Variants in COPB2 observed in about 807,000 individuals in gnomAD.
COPB2 encodes coatomer subunit beta'.
In COPB2, 16 loss-of-function variants were observed where a neutral mutation model predicts 120.8. That is an observed-to-expected ratio of 0.13 (90% confidence interval 0.09 to 0.20). COPB2 has a LOEUF of 0.20. Ranked by LOEUF, COPB2 falls within the 10% of genes least tolerant of loss-of-function variation. COPB2 has a pLI of 1.00. For missense variants in COPB2, 794 were observed against 1,076.5 expected (o/e 0.74, Z 3.67); for synonymous variants, 332 against 366.3 (o/e 0.91, Z 1.07).
chr3:139,381,765 G>A (rs1253925718), intron 2 of COPB2: 1 of 152,140 alleles, frequency 6.6e-6, no homozygotes, highest in African/African-American at 2.4e-5. Context: ...AACATACGAT[G>A]ATCAAGTGAT....
At chr3:139,358,574 G>T (rs1422084982) in intron 20 of COPB2, 170 bp downstream of exon 20, 1 of 615,740 alleles carries the variant, frequency 1.6e-6, no homozygotes, top group East Asian at 2.8e-5. Context: ...CCAGCTACTC[G>T]GGAGGCTGAG....
intron 5 of COPB2, among the ~76,000 whole-genome samples, chr3:139,377,838 A>G (rs946741222): frequency 1.3e-5 from 2 of 152,234 alleles, no homozygotes; most frequent in African/African-American, 2.4e-5. Context: ...AACGCTCCTC[A>G]TTAAGAGCAC....
chr3:139,374,220 T>C (rs756536223), intron 7 of COPB2: 12 of 460,388 alleles, frequency 2.6e-5, no homozygotes, highest in African/African-American at 3.9e-5. Context: ...CCAAAGCACA[T>C]GCTTTTTCAG....
At position 139,389,550 on chromosome 3, in the gene COPB2, TG is replaced by T; in HGVS notation, c.-1del. The T allele has an allele frequency of 6.3e-7, 1 of 1,578,160 alleles. No homozygotes were observed. The highest frequency in any genetic ancestry group is 1.3e-5 in the African/African-American group (1 of 74,176). On this transcript the variant is annotated 5_prime_UTR_variant, in exon 1 of 22. Transcript: ENST00000333188. ...CCTTCTACGGGATCTGGACCTACCA[TG>T]GCTGCGTCGGTCCAATCCCGGGAAC...
chr3:139,366,554 A>C lies in COPB2; in HGVS notation c.1884+14T>G. 6.4e-7 allele frequency: 1 copy of C among 1,573,138 alleles called. No homozygotes were observed. Among genetic ancestry groups the C allele is most frequent in the South Asian group, 1.2e-5 (1 of 85,294 alleles). On this transcript the variant is annotated intron_variant, in intron 15 of 21. Transcript: ENST00000333188. ...AGTTTTAAAAAACAAAAAGAAAAAA[A>C]CAAAACCTCTTACCTGCTTTTCCAA...
chr3:139,376,749 TTA>T (rs1941719124), intron 5 of COPB2, among the ~76,000 whole-genome samples: 1 of 152,198 alleles, frequency 6.6e-6, no homozygotes, highest in East Asian at 1.9e-4. Flanking sequence ...AATTAATTAA[TTA>T]ATTTATTTAT....
Position 139,358,819 on chromosome 3 carries a change from G to T in COPB2, c.2485-7C>A. The T allele has an allele frequency of 2.5e-6, 4 of 1,609,790 alleles. No homozygotes were observed. The highest frequency in any genetic ancestry group is 3.4e-6 in the Non-Finnish European group (4 of 1,176,264). On this transcript the variant is annotated splice_polypyrimidine_tract_variant and splice_region_variant and intron_variant, in intron 19 of 21. Transcript: ENST00000333188. ...CATTTCTCTCTTCATTTGGCTATCA[G>T]AGAATAAAGCAATGATGAAATGAGA...
At chr3:139,384,136 A>G (rs1941868340) in intron 1 of COPB2, among the ~76,000 whole-genome samples, 1 of 152,220 alleles carries the variant, frequency 6.6e-6, no homozygotes, top group Non-Finnish European at 1.5e-5. Flanking sequence ...CTTGCAAGGT[A>G]AAATCTGAAA....
chr3:139,378,917 A>T, intron 4 of COPB2, 130 bp downstream of exon 4: 1 of 887,556 alleles, frequency 1.1e-6, no homozygotes, highest in Non-Finnish European at 1.7e-6. Context: ...ACAGTAATGG[A>T]TCTAAATAGT....
Position 139,369,448 on chromosome 3 carries a change from ACACT to A in COPB2, c.1294+4_1294+7del. 1 of 1,607,780 alleles carries A rather than the reference ACACT, an allele frequency of 6.2e-7. No individual in the cohort carries two copies. The highest frequency in any genetic ancestry group is 8.5e-7 in the Non-Finnish European group (1 of 1,176,700). The stretch of plus-strand genomic sequence containing the variant: ...TTTAAAAATGTATCATATGTAGATC[ACACT>A]CACTTTCTGCTCCAAAATCTGGTTT... On this transcript the variant is annotated splice_donor_5th_base_variant and intron_variant, in intron 11 of 21. Coordinates refer to ENST00000333188, the MANE Select transcript of COPB2 (RefSeq NM_004766.3).
chr3:139,379,484 A>G lies in COPB2; in HGVS notation c.142-18T>C. The G allele has an allele frequency of 6.3e-7, 1 of 1,598,804 alleles. No individual in the cohort carries two copies. Among genetic ancestry groups the G allele is most frequent in the South Asian group, 1.1e-5 (1 of 89,606 alleles). ...ACCAGTGTCTTTAAAATGTAACAAGAATACACAAATTGAGCTATAAGAAAA... is the reference window on the plus strand; with the variant it reads ...ACCAGTGTCTTTAAAATGTAACAAGGATACACAAATTGAGCTATAAGAAAA... On this transcript the variant is annotated intron_variant, in intron 2 of 21. Coordinates refer to ENST00000333188, the MANE Select transcript of COPB2 (RefSeq NM_004766.3).
chr3:139,386,748 G>A (rs1941932501), intron 1 of COPB2, among the ~76,000 whole-genome samples: 1 of 152,126 alleles, frequency 6.6e-6, no homozygotes. Flanking sequence ...CTCCAGTAAT[G>A]AGGAAATTGG....
chr3:139,375,408 C>CTA (rs981735142), intron 6 of COPB2, 60 bp downstream of exon 6: 58 of 1,545,032 alleles, frequency 3.8e-5, no homozygotes, highest in Admixed American at 2.3e-4. Context: ...CTTAACTGTC[C>CTA]TATAAGAAAT....
intron 5 of COPB2, among the ~76,000 whole-genome samples, chr3:139,375,984 C>G (rs1328162379): frequency 6.6e-6 from 1 of 152,146 alleles, no homozygotes; most frequent in Non-Finnish European, 1.5e-5. Context: ...TGTGGTGGCT[C>G]ACACCTGTAA....
chr3:139,369,211 C>T (rs1315969185), intron 12 of COPB2, 50 bp downstream of exon 12: 9 of 1,481,254 alleles, frequency 6.1e-6, no homozygotes, highest in Non-Finnish European at 2.8e-6. Context: ...GGACCCAGAA[C>T]TCATCACAAA....
intron 5 of COPB2, 29 bp downstream of exon 5, chr3:139,378,012 A>AT: frequency 2.0e-6 from 3 of 1,500,216 alleles, no homozygotes; most frequent in Non-Finnish European, 2.7e-6. Context: ...ACTAATAATG[A>AT]TAACTGACAC....
chr3:139,374,688 G>A lies in COPB2; in HGVS notation c.652-100C>T. 4 of 797,982 alleles carry A rather than the reference G, an allele frequency of 5.0e-6. No homozygotes were observed. In the South Asian group the frequency reaches 9.0e-5, roughly 18 times the overall value. 49.4% of individuals were successfully genotyped at this position (797,982 alleles called of 1,614,324 possible). A position where few individuals can be genotyped will look rare whatever the true frequency, so the allele number is the denominator to read the frequency against. ...TACAGATACATTATAAATGATAGTA[G>A]TCATGAAAATCTAAATAATATCCAA... On this transcript the variant is annotated intron_variant, in intron 6 of 21. Transcript: ENST00000333188.
intron 2 of COPB2, chr3:139,380,587 C>A (rs1479777752): frequency 6.6e-6 from 1 of 152,056 alleles, no homozygotes; most frequent in Non-Finnish European, 1.5e-5. Context: ...CTATCATTTT[C>A]TAATCCTTTT....
chr3:139,358,792 G>C lies in COPB2; in HGVS notation c.2505C>G (p.Val835=). 3 of 1,612,600 alleles carry C rather than the reference G, an allele frequency of 1.9e-6. No homozygotes were observed. Among genetic ancestry groups the C allele is most frequent in the Non-Finnish European group, 2.5e-6 (3 of 1,178,792 alleles). Reference sequence around the variant, plus strand: ...GCTGAAAGTCTTTTCCCTCTTCCATGACATTTCTCTCTTCATTTGGCTATC... The same window carrying C: ...GCTGAAAGTCTTTTCCCTCTTCCATCACATTTCTCTCTTCATTTGGCTATC... ...PLVTPNEERN[V]MEEGKDFQPS... is the part of the protein sequence containing the mutation. The change falls in exon 20 of 22, where the codon GTC becomes GTG. Residue 835 remains valine, a synonymous_variant. Coordinates refer to ENST00000333188, the MANE Select transcript of COPB2 (RefSeq NM_004766.3).
Sources: allele counts gnomAD v4.1 joint callset (sites outside exome capture counted in the v4.1 genomes callset), GRCh38; gene constraint gnomAD v4.1.1; transcripts MANE v1.5; gene names NCBI Gene and HGNC (gene_info 2026-07-23, HGNC 2026-07-21).